RPTOR: variants seen among roughly 807,000 people sequenced by gnomAD.
The protein encoded by RPTOR is regulatory-associated protein of mTOR.
In RPTOR, 21 loss-of-function variants were observed where a neutral mutation model predicts 169.9. The ratio of observed to expected loss-of-function variants is 0.12; its 90% CI spans 0.09 to 0.18. The LOEUF is 0.18. RPTOR is among the 10% of genes least tolerant of loss of function. The pLI, the probability that RPTOR is intolerant of heterozygous loss-of-function variation, is 1.00. For missense variants in RPTOR, 1,133 were observed against 1,855.9 expected (o/e 0.61, Z 7.16); for synonymous variants, 732 against 753.2 (o/e 0.97, Z 0.46).
chr17:80,853,372 TG>T (rs1198103848), intron 11 of RPTOR, among the ~76,000 whole-genome samples: 1 of 152,092 alleles, frequency 6.6e-6, no homozygotes, highest in East Asian at 1.9e-4. Flanking sequence ...CATCTTCTCC[TG>T]GGGGGAGGGA....
Position 80,947,152 on chromosome 17 carries a change from T to G in RPTOR, c.3141-75T>G, listed in dbSNP as rs1442875338. ...GTTTTTTGATAGCAGCCCGGTGGGT[T>G]TCAGGAGGTATCTCACTGTCATTTG... is the stretch of plus-strand genomic sequence containing the variant. On this transcript the variant is annotated intron_variant, in intron 26 of 33. Transcript: ENST00000306801. The surrounding 1 kb of genome is among the most constrained non-coding windows in gnomAD (Gnocchi z 4.4). 7.1e-7 allele frequency: 1 copy of G among 1,416,762 alleles called. No homozygotes were observed. The highest frequency in any genetic ancestry group is 9.3e-7 in the Non-Finnish European group (1 of 1,069,742). 87.8% of individuals were successfully genotyped at this position (1,416,762 alleles called of 1,614,324 possible). A position where few individuals can be genotyped will look rare whatever the true frequency, so the allele number is the denominator to read the frequency against.
rs1555643083 is a variant in RPTOR at position 80,966,126 on chromosome 17, C to CCCG, written c.*1796_*1797insCCG. 2.7e-5 allele frequency: 6 copies of CCCG among 221,570 alleles called. No individual in the cohort carries two copies. The highest frequency in any genetic ancestry group is 2.7e-5 in the Non-Finnish European group (3 of 112,290). The allele number at this position is 221,570 out of a possible 1,614,324, so 13.7% of individuals were successfully genotyped here. On this transcript the variant is annotated 3_prime_UTR_variant, in exon 34 of 34. Coordinates refer to ENST00000306801, the MANE Select transcript of RPTOR (RefSeq NM_020761.3). ...CTCCAGAGGGGTCAAGACCCCCCCC[C>CCCG]GCCCCCGCTCCACCCTGGAGCCCAC...
Position 80,796,775 on chromosome 17 carries a change from A to G in RPTOR, c.890+5266A>G, listed in dbSNP as rs535824350. Among the ~76,000 whole-genome samples the G allele has an allele frequency of 9.2e-5, 14 of 152,354 alleles. No individual in the cohort carries two copies. The South Asian group carries it at 2.7e-3, about 29-fold the overall frequency. On this transcript the variant is annotated intron_variant, in intron 7 of 33. Coordinates refer to ENST00000306801, the MANE Select transcript of RPTOR (RefSeq NM_020761.3). ...AAAAGCACCTGTTTTAGTGTCTTTC[A>G]CTAAGAATCCACGTCAGCACTCACA... is the stretch of plus-strand genomic sequence containing the variant.
At chr17:80,880,038 C>G (rs1465413950) in intron 13 of RPTOR, among the ~76,000 whole-genome samples, 1 of 152,164 alleles carries the variant, frequency 6.6e-6, no homozygotes, top group Non-Finnish European at 1.5e-5. Context: ...TCTGCACCAA[C>G]AGGCTGGTTC....
intron 7 of RPTOR, among the ~76,000 whole-genome samples, chr17:80,800,724 A>G (rs951121309): frequency 6.6e-6 from 1 of 152,208 alleles, no homozygotes. Context: ...GCCCTGAAAC[A>G]AAGTAATGCA....
At chr17:80,553,489 G>T (rs954161046) in intron 1 of RPTOR, among the ~76,000 whole-genome samples, 2 of 152,172 alleles carry the variant, frequency 1.3e-5, no homozygotes, top group Non-Finnish European at 2.9e-5. Context: ...TGTATCTGCC[G>T]CTGTGAGCCT....
intron 2 of RPTOR, among the ~76,000 whole-genome samples, chr17:80,628,320 A>T (rs2065412239): frequency 6.6e-6 from 1 of 152,124 alleles, no homozygotes; most frequent in African/African-American, 2.4e-5. Context: ...TTACTCTAAC[A>T]TATCTTGCAG....
In RPTOR at chr17:80,823,360, T is replaced by TTTC; in HGVS notation, c.1136+137_1136+138insTTC. 1 of 990,856 alleles carries TTTC rather than the reference T, an allele frequency of 1.0e-6. No homozygotes were observed. The highest frequency in any genetic ancestry group is 1.4e-6 in the Non-Finnish European group (1 of 721,556). The allele number at this position is 990,856 out of a possible 1,614,324, so 61.4% of individuals were successfully genotyped here. A position where few individuals can be genotyped will look rare whatever the true frequency, so the allele number is the denominator to read the frequency against. ...CCCGTGTAGCATTAACAAGTGAAGC[T>TTTC]AAATGCAGGGCTCCCAGAGATCTCC... On this transcript the variant is annotated intron_variant, in intron 9 of 33. Coordinates refer to ENST00000306801, the MANE Select transcript of RPTOR (RefSeq NM_020761.3). This position sits in a 1 kb window ranked among gnomAD's most constrained non-coding sequence, Gnocchi z 4.5.
intron 1 of RPTOR, among the ~76,000 whole-genome samples, chr17:80,597,695 G>A (rs1189304316): frequency 6.7e-6 from 1 of 150,068 alleles, no homozygotes; most frequent in African/African-American, 2.5e-5. Flanking sequence ...TTTATTTTTT[G>A]TAGAGACAAG....
chr17:80,953,377 C>T (rs1021156038), intron 28 of RPTOR, among the ~76,000 whole-genome samples: 4 of 152,218 alleles, frequency 2.6e-5, no homozygotes, highest in Admixed American at 2.6e-4. Context: ...CTCAGGCAGT[C>T]CTCCTACCTC....
chr17:80,575,017 T>G (rs1014264916), intron 1 of RPTOR, among the ~76,000 whole-genome samples: 1 of 151,118 alleles, frequency 6.6e-6, no homozygotes, highest in Non-Finnish European at 1.5e-5. Flanking sequence ...TCCTTGGGTT[T>G]GTTTTATTAC....
At chr17:80,768,982 C>T (rs564104247) in intron 6 of RPTOR, among the ~76,000 whole-genome samples, 63 of 152,294 alleles carry the variant, frequency 4.1e-4, no homozygotes, top group Non-Finnish European at 2.1e-4. Context: ...CAGTATATTG[C>T]GGAAGCCATT....
chr17:80,835,652 T>C (rs2067555410), intron 9 of RPTOR, among the ~76,000 whole-genome samples: 3 of 152,246 alleles, frequency 2.0e-5, no homozygotes, highest in Non-Finnish European at 1.5e-5. Context: ...GCGCAAACTT[T>C]GTTTCATGCA....
chr17:80,599,697 T>A (rs1327208264), intron 1 of RPTOR, among the ~76,000 whole-genome samples: 1 of 152,174 alleles, frequency 6.6e-6, no homozygotes, highest in Non-Finnish European at 1.5e-5. Context: ...TGCCCTGGAT[T>A]TGGTCCTCAG....
At chr17:80,685,629 T>A (rs868528359) in intron 3 of RPTOR, among the ~76,000 whole-genome samples, 95 of 22,002 alleles carry the variant, frequency 4.3e-3, no homozygotes, top group African/African-American at 5.4e-3. Flanking sequence ...ATATATATAT[T>A]TTTTTTTTTT....
chr17:80,716,460 G>A (rs940087371), intron 4 of RPTOR, among the ~76,000 whole-genome samples: 2 of 151,892 alleles, frequency 1.3e-5, no homozygotes, highest in Non-Finnish European at 2.9e-5. Flanking sequence ...GTAGATTTCC[G>A]GATATTAGTC....
chr17:80,751,539 GAC>G (rs1317816567), intron 5 of RPTOR, among the ~76,000 whole-genome samples: 1 of 152,180 alleles, frequency 6.6e-6, no homozygotes, highest in African/African-American at 2.4e-5. Flanking sequence ...CAAAAATGCA[GAC>G]ACAGACACAT....
At chr17:80,858,708 G>A (rs1213351678) in intron 13 of RPTOR, among the ~76,000 whole-genome samples, 1 of 152,142 alleles carries the variant, frequency 6.6e-6, no homozygotes, top group Non-Finnish European at 1.5e-5. Context: ...AGGGCCTTGA[G>A]GGGGTGGATG....
intron 1 of RPTOR, among the ~76,000 whole-genome samples, chr17:80,574,333 T>A (rs193218893): frequency 6.6e-6 from 1 of 150,816 alleles, no homozygotes; most frequent in African/African-American, 2.4e-5. Context: ...CCCGGCTAAT[T>A]TTTTGTATTT....
Sources: gnomAD v4.1 joint callset for allele counts (sites outside exome capture counted in the v4.1 genomes callset) on GRCh38, gnomAD v4.1.1 for gene constraint, Gnocchi (gnomAD v3.1) non-coding constraint, MANE v1.5 for transcripts, NCBI Gene and HGNC (gene_info 2026-07-23, HGNC 2026-07-21) for gene names.